Variants in FSD1L observed in about 807,000 individuals in gnomAD.
FSD1L encodes the protein fibronectin type III and SPRY domain containing 1 like.
Under a neutral mutation model 71.6 loss-of-function variants are expected in FSD1L, and 45 were observed. The ratio of observed to expected loss-of-function variants is 0.63; its 90% CI spans 0.49 to 0.81. FSD1L has a LOEUF of 0.81. FSD1L is among the 30% of genes least tolerant of loss of function. The probability of loss-of-function intolerance (pLI) is 0.00; values close to 1 mark genes in which losing one functional copy is unlikely to be tolerated. For synonymous variants in FSD1L, 197 were observed against 207.2 expected, an observed-to-expected ratio of 0.95 and a Z score of 0.42; for missense variants, 561 against 618.1, an observed-to-expected ratio of 0.91 and a Z score of 0.98.
At chr9:105,537,229 T>C (rs898409851) in intron 12 of FSD1L, among the ~76,000 whole-genome samples, 35 of 152,322 alleles carry the variant, frequency 2.3e-4, no homozygotes, top group African/African-American at 7.5e-4. Context: ...CTTAAGCTAA[T>C]ACCAAATTTT....
chr9:105,513,673 C>G (rs1045811455), intron 10 of FSD1L: 3 of 1,445,918 alleles, frequency 2.1e-6, no homozygotes, highest in Non-Finnish European at 2.8e-6. Context: ...TTAGTAAAAT[C>G]TAGCTTGGCT....
intron 8 of FSD1L, among the ~76,000 whole-genome samples, chr9:105,508,171 ACT>A (rs1361891197): frequency 9.9e-6 from 1 of 101,344 alleles, no homozygotes; most frequent in Non-Finnish European, 2.0e-5. Context: ...ACCACATATC[ACT>A]CTTTTTTTTT....
chr9:105,508,469 G>A (rs7872377), intron 8 of FSD1L, 148 bp from the exon 9 acceptor site: 144,011 of 544,398 alleles, frequency 0.26, 21,202 homozygotes, highest in Non-Finnish European at 0.31. Flanking sequence ...GAGCCACTGC[G>A]CCTGGCCCAC....
chr9:105,517,047 G>A (rs1834771248), intron 10 of FSD1L, among the ~76,000 whole-genome samples: 1 of 152,110 alleles, frequency 6.6e-6, no homozygotes, highest in Admixed American at 6.5e-5. Flanking sequence ...ATCAATAGCT[G>A]TATCAATCAA....
Position 105,520,196 on chromosome 9 carries a change from C to T in FSD1L, c.1025+7260C>T. ...AGAAGGTGCTAGACACCAAGAAGGACGCACTGACTCGCCTCAAGCACCTGC... is the reference window on the plus strand; with the variant it reads ...AGAAGGTGCTAGACACCAAGAAGGATGCACTGACTCGCCTCAAGCACCTGC... On this transcript the variant is annotated intron_variant, in intron 10 of 13. Coordinates refer to ENST00000481272, the MANE Select transcript of FSD1L (RefSeq NM_001145313.3). 8 of 1,611,404 alleles carry T rather than the reference C, an allele frequency of 5.0e-6. No homozygotes were observed. In the East Asian group the frequency reaches 6.7e-5, roughly 13 times the overall value.
At chr9:105,483,691 C>T (rs1218533383) in intron 6 of FSD1L, among the ~76,000 whole-genome samples, 1 of 152,118 alleles carries the variant, frequency 6.6e-6, no homozygotes, top group East Asian at 1.9e-4. Context: ...CCTCCACATT[C>T]ATCTAGTAAA....
At chr9:105,503,168 A>G (rs1049774180) in intron 7 of FSD1L, among the ~76,000 whole-genome samples, 3 of 152,164 alleles carry the variant, frequency 2.0e-5, no homozygotes, top group Admixed American at 2.0e-4. Context: ...GATTACAGGC[A>G]TGAGCCACTA....
At chr9:105,454,081 GA>G (rs1003635212) in intron 1 of FSD1L, among the ~76,000 whole-genome samples, 2 of 151,774 alleles carry the variant, frequency 1.3e-5, no homozygotes, top group African/African-American at 4.8e-5. Context: ...TTTATTGTAG[GA>G]AAATAAGAAT....
At chr9:105,447,159 G>C (rs1022160369), upstream of FSD1L, among the ~76,000 whole-genome samples, 2 of 151,136 alleles carry the variant, frequency 1.3e-5, no homozygotes, top group African/African-American at 4.9e-5. Flanking sequence ...ACCAGTCTCC[G>C]CTAAAAGTAC....
Position 105,547,717 on chromosome 9 carries a change from A to C in FSD1L, c.*1234A>C, listed in dbSNP as rs1837088736. ...GGTTATGTGGAACATAACTGTTCTT[A>C]AAAAGTCAATTATAATTTGTAACTC... On this transcript the variant is annotated 3_prime_UTR_variant, in exon 14 of 14. Transcript: ENST00000481272. The C allele has an allele frequency of 6.6e-6, 1 of 152,134 alleles. No homozygotes were observed. Among genetic ancestry groups the C allele is most frequent in the Non-Finnish European group, 1.5e-5 (1 of 67,982 alleles). 9.4% of individuals were successfully genotyped at this position (152,134 alleles called of 1,614,324 possible).
rs1400587447 is a variant in FSD1L at position 105,549,177 on chromosome 9, G to A, written c.*2694G>A. ...TTTCTATAAAAGAAATGCTTGAGAG[G>A]TTGACTATAATGGATATGTCACAGG... is the stretch of plus-strand genomic sequence containing the variant. On this transcript the variant is annotated 3_prime_UTR_variant, in exon 14 of 14. Transcript: ENST00000481272. 3 of 151,974 alleles carry A rather than the reference G, an allele frequency of 2.0e-5. No individual in the cohort carries two copies. Among genetic ancestry groups the A allele is most frequent in the African/African-American group, 7.2e-5 (3 of 41,394 alleles). 9.4% of individuals were successfully genotyped at this position (151,974 alleles called of 1,614,324 possible). A position where few individuals can be genotyped will look rare whatever the true frequency, so the allele number is the denominator to read the frequency against.
intron 7 of FSD1L, among the ~76,000 whole-genome samples, chr9:105,498,925 G>A (rs1833599258): frequency 6.6e-6 from 1 of 152,028 alleles, no homozygotes; most frequent in Non-Finnish European, 1.5e-5. Context: ...TGCTAGAAGT[G>A]GGTTGTTTAA....
rs1242948325 is a variant in FSD1L, at chr9:105,545,413, A to C, written c.1468-945A>C. Among the ~76,000 whole-genome samples the C allele has an allele frequency of 2.4e-4, 35 of 145,690 alleles. 4 individuals carry two copies. The highest frequency in any genetic ancestry group is 8.3e-4 in the African/African-American group (31 of 37,294). ...CTCTTTTCCTAACTGAATACCCTTT[A>C]TTTCTTTCTCCTGCCTGATTGCTCT... On this transcript the variant is annotated intron_variant, in intron 13 of 13. Transcript: ENST00000481272.
intron 7 of FSD1L, among the ~76,000 whole-genome samples, chr9:105,492,332 A>T (rs1162546173): frequency 1.3e-5 from 2 of 152,112 alleles, no homozygotes; most frequent in Admixed American, 6.6e-5. Flanking sequence ...TTTCTGTGGC[A>T]TCAGTGGTGA....
At chr9:105,535,339 G>A (rs980983537) in intron 12 of FSD1L, 21 bp downstream of exon 12, 3 of 1,549,966 alleles carry the variant, frequency 1.9e-6, no homozygotes, top group African/African-American at 1.4e-5. Flanking sequence ...TTTCTCGTAG[G>A]TTATTTCATC....
rs1273419434 is a variant in FSD1L at position 105,482,719 on chromosome 9, AGTT to A, written c.465-1658_465-1656del. Among the ~76,000 whole-genome samples, 7 of 152,088 alleles carry A rather than the reference AGTT, an allele frequency of 4.6e-5. No homozygotes were observed. In the East Asian group the frequency reaches 1.2e-3, roughly 25 times the overall value. On this transcript the variant is annotated intron_variant, in intron 6 of 13. Transcript: ENST00000481272. ...AAGTTTTCATTGACTAAAAAATAAG[AGTT>A]GTTCTTGTTTTTTTTAAAGCTTTGA...
At chr9:105,450,401 A>T (rs1212375365) in intron 1 of FSD1L, among the ~76,000 whole-genome samples, 2 of 152,166 alleles carry the variant, frequency 1.3e-5, no homozygotes, top group Non-Finnish European at 2.9e-5. Context: ...ATGGCTCTGG[A>T]GCCAAGTCTC....
intron 10 of FSD1L, chr9:105,519,980 C>T: frequency 3.0e-6 from 4 of 1,353,092 alleles, no homozygotes; most frequent in Non-Finnish European, 1.9e-6. Flanking sequence ...TGGCCTGGAT[C>T]GGGGAGGAGT....
intron 4 of FSD1L, among the ~76,000 whole-genome samples, 180 bp from the exon 5 acceptor site, chr9:105,471,724 T>TTTTATATATATA (rs376687715): frequency 7.0e-6 from 1 of 143,332 alleles, no homozygotes; most frequent in Non-Finnish European, 1.5e-5. Flanking sequence ...ATAACACGTT[T>TTTTATATATATA]TATATATATA....
Sources: gnomAD v4.1 joint callset for allele counts (sites outside exome capture counted in the v4.1 genomes callset) on GRCh38, gnomAD v4.1.1 for gene constraint, MANE v1.5 for transcripts, NCBI Gene and HGNC (gene_info 2026-07-23, HGNC 2026-07-21) for gene names.